KRR1: variants seen among roughly 807,000 people sequenced by gnomAD.
KRR1 encodes the protein KRR1 small subunit processome component homolog.
Under a neutral mutation model 50.0 loss-of-function variants are expected in KRR1, and 23 were observed. The ratio of observed to expected loss-of-function variants is 0.46; its 90% CI spans 0.33 to 0.65. The LOEUF is 0.65. Among genes scored for constraint, KRR1 ranks in the 30% least tolerant of loss-of-function variants. The probability of loss-of-function intolerance (pLI) is 0.02; values close to 1 mark genes in which losing one functional copy is unlikely to be tolerated. For synonymous variants in KRR1, 133 were observed against 146.3 expected (o/e 0.91, Z 0.66); for missense variants, 419 against 442.4 (o/e 0.95, Z 0.47).
chr12:75,494,181 G>A lies in KRR1; in HGVS notation c.*5628C>T, dbSNP rs532496769. The A allele has an allele frequency of 5.9e-4, 90 of 152,292 alleles. No homozygotes were observed. Among genetic ancestry groups the A allele is most frequent in the African/African-American group, 2.0e-3 (82 of 41,572 alleles). The allele number at this position is 152,292 out of a possible 1,614,324, so 9.4% of individuals were successfully genotyped here. On this transcript the variant is annotated 3_prime_UTR_variant, in exon 10 of 10. Transcript: ENST00000229214. ...GATTTGGGGTTGGAAATAAGGTATC[G>A]TTATAAAGTTGTGTGTCTAAGGTGA... is the stretch of plus-strand genomic sequence containing the variant.
intron 5 of KRR1, 125 bp downstream of exon 5, chr12:75,506,191 A>G (rs2046420734): frequency 1.6e-6 from 1 of 622,598 alleles, no homozygotes; most frequent in Admixed American, 3.4e-5. Flanking sequence ...AAAAGTATTT[A>G]CTAATGGGAA....
At chr12:75,502,077 C>A in intron 7 of KRR1, 77 bp from the exon 8 acceptor site, 1 of 1,185,078 alleles carries the variant, frequency 8.4e-7, no homozygotes, top group South Asian at 1.3e-5. Context: ...TCACAATATC[C>A]TTAGGGTAAA....
Position 75,495,558 on chromosome 12 carries a change from T to C in KRR1, c.*4251A>G. ...AAAACCGAAAAACTTCTAATGGACA[T>C]CCTTCTTCTGCTTTACAGAGGGAAT... On this transcript the variant is annotated 3_prime_UTR_variant, in exon 10 of 10. Transcript: ENST00000229214. 1 of 1,445,412 alleles carries C rather than the reference T, an allele frequency of 6.9e-7. No individual in the cohort carries two copies. The allele number at this position is 1,445,412 out of a possible 1,614,324, so 89.5% of individuals were successfully genotyped here.
At position 75,511,290 on chromosome 12, in the gene KRR1, T is replaced by C. The variant is rs530914591; in HGVS notation, c.85+223A>G. Among the ~76,000 whole-genome samples the C allele has an allele frequency of 3.1e-4, 47 of 152,330 alleles. No individual in the cohort carries two copies. In the South Asian group the frequency reaches 9.5e-3, roughly 31 times the overall value. ...AGACGTAATCCGCAACAGCTTCGCT[T>C]TGGGGACCCTTTAGCAAAAGCAATG... On this transcript the variant is annotated intron_variant, in intron 1 of 9. Transcript: ENST00000229214.
intron 5 of KRR1, 32 bp downstream of exon 5, chr12:75,506,284 A>C: frequency 7.5e-7 from 1 of 1,334,206 alleles, no homozygotes; most frequent in Non-Finnish European, 1.1e-6. Context: ...TTCTCTGCTG[A>C]AAATGAATCG....
At chr12:75,502,149 A>G in intron 7 of KRR1, 149 bp from the exon 8 acceptor site, 4 of 646,884 alleles carry the variant, frequency 6.2e-6, no homozygotes, top group Non-Finnish European at 1.1e-5. Context: ...AACAGAGTCT[A>G]AGCTGAGGGG....
intron 7 of KRR1, chr12:75,503,250 G>A (rs2046406546): frequency 6.6e-6 from 1 of 152,112 alleles, no homozygotes; most frequent in Non-Finnish European, 1.5e-5. Context: ...AAACATGGGA[G>A]GGCACTGAGA....
Position 75,494,194 on chromosome 12 carries a change from G to A in KRR1, c.*5615C>T, listed in dbSNP as rs929278707. 4 of 152,204 alleles carry A rather than the reference G, an allele frequency of 2.6e-5. No homozygotes were observed. The highest frequency in any genetic ancestry group is 4.4e-5 in the Non-Finnish European group (3 of 68,034). 9.4% of individuals were successfully genotyped at this position (152,204 alleles called of 1,614,324 possible). On this transcript the variant is annotated 3_prime_UTR_variant, in exon 10 of 10. Transcript: ENST00000229214. ...AAATAAGGTATCGTTATAAAGTTGT[G>A]TGTCTAAGGTGAGAGTTCTCAACTT... is the stretch of plus-strand genomic sequence containing the variant.
rs2046335960 is a variant in KRR1 at position 75,493,811 on chromosome 12, T to C, written c.*5998A>G. On this transcript the variant is annotated 3_prime_UTR_variant, in exon 10 of 10. Transcript: ENST00000229214. ...ACAAATCCAGGCCTTTCCAGTAGCA[T>C]GTTTCTCCCAAGATGAATACTACCA... 2 of 152,202 alleles carry C rather than the reference T, an allele frequency of 1.3e-5. No individual in the cohort carries two copies. Among genetic ancestry groups the C allele is most frequent in the African/African-American group, 4.8e-5 (2 of 41,446 alleles). The allele number at this position is 152,202 out of a possible 1,614,324, so 9.4% of individuals were successfully genotyped here.
At position 75,495,156 on chromosome 12, in the gene KRR1, C is replaced by T. The variant is rs2046343019; in HGVS notation, c.*4653G>A. On this transcript the variant is annotated 3_prime_UTR_variant, in exon 10 of 10. Transcript: ENST00000229214. ...TTGAATGTGGGTCACCATAGCTTTTCTAAGATGGACAGTTTTTTAAATGGC... is the reference window on the plus strand; with the variant it reads ...TTGAATGTGGGTCACCATAGCTTTTTTAAGATGGACAGTTTTTTAAATGGC... The T allele has an allele frequency of 6.6e-6, 1 of 152,670 alleles. No homozygotes were observed. The allele number at this position is 152,670 out of a possible 1,614,324, so 9.5% of individuals were successfully genotyped here.
At chr12:75,501,106 A>G (rs2046390835) in intron 9 of KRR1, 2 of 152,240 alleles carry the variant, frequency 1.3e-5, no homozygotes, top group Admixed American at 6.6e-5. Flanking sequence ...TAGGAAGAGG[A>G]TAAGTGTTAC....
chr12:75,503,811 A>C (rs2046410055), intron 7 of KRR1, 93 bp downstream of exon 7: 15 of 1,105,004 alleles, frequency 1.4e-5, no homozygotes, highest in Non-Finnish European at 2.0e-5. Flanking sequence ...ATATATATAC[A>C]CATATCCCAC....
At position 75,492,108 on chromosome 12, in the gene KRR1, A is replaced by G. The variant is rs1327354089; in HGVS notation, c.*7701T>C. On this transcript the variant is annotated 3_prime_UTR_variant, in exon 10 of 10. Transcript: ENST00000229214. ...CATGACTTTTTTTTTTTTTTTTGAG[A>G]CAGGGTCTCTCACTCTGTCACCCAG... 1 of 143,322 alleles carries G rather than the reference A, an allele frequency of 7.0e-6. No individual in the cohort carries two copies. 8.9% of individuals were successfully genotyped at this position (143,322 alleles called of 1,614,324 possible).
At chr12:75,505,031 T>G (rs1017832137) in intron 6 of KRR1, among the ~76,000 whole-genome samples, 167 bp downstream of exon 6, 4 of 152,030 alleles carry the variant, frequency 2.6e-5, no homozygotes, top group Middle Eastern at 3.2e-3. Flanking sequence ...CCTACAAAAC[T>G]GGGGTAGAAT....
At chr12:75,502,820 A>AAAT (rs2046403899) in intron 7 of KRR1, 1 of 152,050 alleles carries the variant, frequency 6.6e-6, no homozygotes, top group African/African-American at 2.4e-5. Context: ...GGGCCATAAG[A>AAAT]AATAAGGCAG....
At chr12:75,510,215 G>A (rs144106516) in intron 1 of KRR1, among the ~76,000 whole-genome samples, 280 of 152,242 alleles carry the variant, frequency 1.8e-3, no homozygotes, top group African/African-American at 6.4e-3. Context: ...ACTGACACTA[G>A]CACTTTGGAA....
In KRR1 at chr12:75,506,461, G is replaced by A. The variant is rs964581880; in HGVS notation, c.519+23C>T. The A allele has an allele frequency of 3.1e-6, 5 of 1,604,390 alleles. No homozygotes were observed. In the African/African-American group the frequency reaches 5.4e-5, roughly 17 times the overall value. On this transcript the variant is annotated intron_variant, in intron 4 of 9. Transcript: ENST00000229214. ...AAAAAGTATTAAGGAAGAGACTCAA[G>A]TTTTCCACTAATTAAAAAATACCTT...
chr12:75,508,984 G>A (rs1361000360), intron 1 of KRR1, among the ~76,000 whole-genome samples: 4 of 151,984 alleles, frequency 2.6e-5, no homozygotes, highest in Non-Finnish European at 2.9e-5. Context: ...ATTTCCATAC[G>A]CCTTTCATCG....
intron 9 of KRR1, 85 bp downstream of exon 9, chr12:75,501,638 C>CTGTT: frequency 2.4e-6 from 2 of 846,336 alleles, no homozygotes; most frequent in East Asian, 2.6e-5. Context: ...AAAGATACAA[C>CTGTT]TGTTTCTTAA....
Sources: allele counts gnomAD v4.1 joint callset (sites outside exome capture counted in the v4.1 genomes callset), GRCh38; gene constraint gnomAD v4.1.1; transcripts MANE v1.5; gene names NCBI Gene and HGNC (gene_info 2026-07-23, HGNC 2026-07-21).